The following KHDRBS2 variants were observed in gnomAD, a reference collection of about 807,000 sequenced individuals.
The protein encoded by KHDRBS2 is KH domain-containing, RNA-binding, signal transduction-associated protein 2.
A neutral mutation model predicts 44.3 loss-of-function variants in KHDRBS2; 26 were observed. That is an observed-to-expected ratio of 0.59 (90% confidence interval 0.43 to 0.81). The LOEUF (loss-of-function observed/expected upper bound fraction) is 0.81. Ranked by LOEUF, KHDRBS2 falls within the 40% of genes least tolerant of loss-of-function variation. The pLI is 0.00. For synonymous variants in KHDRBS2, 194 were observed against 151.1 expected (o/e 1.28, Z -2.08); for missense variants, 476 against 433.1 (o/e 1.10, Z -0.88).
intron 6 of KHDRBS2, among the ~76,000 whole-genome samples, chr6:61,784,889 C>T (rs1181236573): frequency 6.6e-6 from 1 of 152,094 alleles, no homozygotes; most frequent in Non-Finnish European, 1.5e-5. Context: ...TGGCTCACTC[C>T]TGTAATACTA....
chr6:61,566,924 G>A, the KHDRBS2 span, among the ~76,000 whole-genome samples: 1 of 152,118 alleles, frequency 6.6e-6, no homozygotes, highest in East Asian at 1.9e-4. Context: ...CTTTCTTTAA[G>A]ACTAATGCAA....
intron 2 of KHDRBS2, among the ~76,000 whole-genome samples, chr6:62,108,542 T>G (rs1804121298): frequency 6.6e-6 from 1 of 152,168 alleles, no homozygotes; most frequent in Non-Finnish European, 1.5e-5. Context: ...AGTGTGGCGA[T>G]TCCTCAGGGA....
chr6:61,661,198 T>C, the KHDRBS2 span: 1 of 151,820 alleles, frequency 6.6e-6, no homozygotes, highest in Admixed American at 6.6e-5. Context: ...TAAACATATA[T>C]GTCTGGGTCC....
At chr6:61,868,346 C>A (rs1575241) in intron 6 of KHDRBS2, among the ~76,000 whole-genome samples, 19,859 of 151,940 alleles carry the variant, frequency 0.13, 1,755 homozygotes, top group Middle Eastern at 0.19. Context: ...CCCTGCCAGG[C>A]ACTCCATCCC....
At position 61,856,984 on chromosome 6, in the gene KHDRBS2, A is replaced by G. The variant is rs549649239; in HGVS notation, c.810+37651T>C. Reference sequence around the variant, plus strand: ...GATTGAAGACTCTGGCCTTCCTCACATATTGTGCTGAAGTGCATAGCACCA... The same window carrying G: ...GATTGAAGACTCTGGCCTTCCTCACGTATTGTGCTGAAGTGCATAGCACCA... On this transcript the variant is annotated intron_variant, in intron 6 of 8. Transcript: ENST00000281156. Among the ~76,000 whole-genome samples, 21 of 152,266 alleles carry G rather than the reference A, an allele frequency of 1.4e-4. No individual in the cohort carries two copies. The South Asian group carries it at 4.1e-3, about 30-fold the overall frequency.
intron 2 of KHDRBS2, among the ~76,000 whole-genome samples, chr6:62,156,091 A>C (rs1816318965): frequency 6.6e-6 from 1 of 152,190 alleles, no homozygotes; most frequent in African/African-American, 2.4e-5. Context: ...GTAGTCAGAA[A>C]AAAATTCTTT....
chr6:62,143,364 T>C (rs1303161591), intron 2 of KHDRBS2, among the ~76,000 whole-genome samples: 1 of 152,022 alleles, frequency 6.6e-6, no homozygotes, highest in Non-Finnish European at 1.5e-5. Flanking sequence ...TATATTATAG[T>C]AGATAAACTA....
At chr6:61,696,925 T>G (rs1767971245) in intron 8 of KHDRBS2, among the ~76,000 whole-genome samples, 1 of 152,164 alleles carries the variant, frequency 6.6e-6, no homozygotes, top group Non-Finnish European at 1.5e-5. Context: ...TGAACACAGT[T>G]AAACATACAA....
chr6:62,019,418 T>C (rs1781839785), intron 3 of KHDRBS2, among the ~76,000 whole-genome samples: 1 of 152,262 alleles, frequency 6.6e-6, no homozygotes, highest in South Asian at 2.1e-4. Flanking sequence ...TGTTTTATAA[T>C]GTCCTTTTCT....
chr6:61,948,184 G>A (rs1210243512), intron 4 of KHDRBS2, among the ~76,000 whole-genome samples: 2 of 151,918 alleles, frequency 1.3e-5, no homozygotes, highest in Admixed American at 1.3e-4. Context: ...AGAAATTATA[G>A]AAAATTCAAC....
At chr6:62,259,262 T>A (rs1837938545) in intron 1 of KHDRBS2, among the ~76,000 whole-genome samples, 1 of 151,920 alleles carries the variant, frequency 6.6e-6, no homozygotes, top group African/African-American at 2.4e-5. Flanking sequence ...GTATATACAT[T>A]CCAATATTTA....
chr6:62,143,697 T>A (rs575919732), intron 2 of KHDRBS2, among the ~76,000 whole-genome samples: 1 of 151,314 alleles, frequency 6.6e-6, no homozygotes, highest in Non-Finnish European at 1.5e-5. Context: ...GATTATTATT[T>A]TTTTTCTCTA....
At chr6:61,605,930 C>T in the KHDRBS2 span, among the ~76,000 whole-genome samples, 1 of 152,120 alleles carries the variant, frequency 6.6e-6, no homozygotes, top group Non-Finnish European at 1.5e-5. Flanking sequence ...GTGAAAGTGG[C>T]CTGTTCCTGC....
chr6:61,597,732 TTATATA>T, the KHDRBS2 span, among the ~76,000 whole-genome samples: 37 of 37,424 alleles, frequency 9.9e-4, 6 homozygotes, highest in East Asian at 5.0e-3. Context: ...TTTGCACCTT[TTATATA>T]TATATATATA....
At chr6:61,932,539 G>T (rs1005407131) in intron 4 of KHDRBS2, among the ~76,000 whole-genome samples, 2 of 152,144 alleles carry the variant, frequency 1.3e-5, no homozygotes, top group African/African-American at 4.8e-5. Flanking sequence ...GGTGCCTCAC[G>T]CCTGTAATCC....
chr6:62,214,220 A>G (rs1829599997), intron 1 of KHDRBS2, among the ~76,000 whole-genome samples: 1 of 152,068 alleles, frequency 6.6e-6, no homozygotes, highest in Admixed American at 6.6e-5. Flanking sequence ...CTGCTGATAT[A>G]CCCTTTACTT....
rs749045981 is a variant in KHDRBS2 at position 61,901,232 on chromosome 6, G to C, written c.611+12C>G. ...ATCATCCTTAATTTATTTAAAGTAAGAATGAATGTACCTTGAAGGAGCTGT... is the reference window on the plus strand; with the variant it reads ...ATCATCCTTAATTTATTTAAAGTAACAATGAATGTACCTTGAAGGAGCTGT... On this transcript the variant is annotated intron_variant, in intron 5 of 8. Transcript: ENST00000281156. 19 of 1,604,690 alleles carry C rather than the reference G, an allele frequency of 1.2e-5. No individual in the cohort carries two copies. Among genetic ancestry groups the C allele is most frequent in the Non-Finnish European group, 1.4e-5 (17 of 1,177,342 alleles).
chr6:61,577,855 C>A, the KHDRBS2 span, among the ~76,000 whole-genome samples: 1 of 152,076 alleles, frequency 6.6e-6, no homozygotes, highest in Non-Finnish European at 1.5e-5. Flanking sequence ...GAGCTGTAAA[C>A]ATTTTAGTTA....
chr6:62,014,483 G>C (rs1780847308), intron 3 of KHDRBS2, among the ~76,000 whole-genome samples: 1 of 152,114 alleles, frequency 6.6e-6, no homozygotes, highest in Non-Finnish European at 1.5e-5. Flanking sequence ...TAAGTTTCCT[G>C]AAAGTATAAA....
Sources: gnomAD v4.1 joint callset for allele counts (sites outside exome capture counted in the v4.1 genomes callset) on GRCh38, gnomAD v4.1.1 for gene constraint, MANE v1.5 for transcripts, NCBI Gene and HGNC (gene_info 2026-07-23, HGNC 2026-07-21) for gene names.